HELQ: variants seen among roughly 807,000 people sequenced by gnomAD.
HELQ encodes helicase POLQ-like.
Under a neutral mutation model 111.6 loss-of-function variants are expected in HELQ, and 77 were observed. The ratio of observed to expected loss-of-function variants is 0.69; its 90% CI spans 0.57 to 0.83. The LOEUF is 0.83. Among genes scored for constraint, HELQ ranks in the 40% least tolerant of loss-of-function variants. The pLI, the probability that HELQ is intolerant of heterozygous loss-of-function variation, is 0.00. For synonymous variants in HELQ, 438 were observed against 454.7 expected (o/e 0.96, Z 0.47); for missense variants, 1,200 against 1,288.5 (o/e 0.93, Z 1.05).
At chr4:83,440,904 G>C (rs1720723765) in intron 7 of HELQ, among the ~76,000 whole-genome samples, 1 of 152,178 alleles carries the variant, frequency 6.6e-6, no homozygotes, top group Non-Finnish European at 1.5e-5. Flanking sequence ...ATACACATCA[G>C]TTGAGTGAAA....
At chr4:83,408,605 G>C (rs1483196199) in intron 17 of HELQ, among the ~76,000 whole-genome samples, 1 of 150,766 alleles carries the variant, frequency 6.6e-6, no homozygotes, top group African/African-American at 2.4e-5. Context: ...GTAGAGACTG[G>C]ATCTCCCTAT....
rs776951046 is a variant in HELQ, at chr4:83,416,775, G to T, written c.3154C>A (p.His1052Asn). The change falls in exon 17 of 18, where the codon CAT becomes AAT. Residue 1052 changes from histidine to asparagine, a missense_variant. His to Asn is a moderately conservative substitution (Grantham distance 68, BLOSUM62 1). Transcript: ENST00000295488. The stretch of plus-strand genomic sequence containing the variant: ...TGCTTGGCTTGGCGTCTTGATAAAT[G>T]ATCAATTGTCCTTACGAGCACTTCA... Reference protein sequence around the residue: ...NPEVLVRTIDHLSRRQAKQIV... With the variant: ...NPEVLVRTIDNLSRRQAKQIV... The T allele has an allele frequency of 8.7e-5, 140 of 1,613,646 alleles. No homozygotes were observed. The highest frequency in any genetic ancestry group is 1.1e-4 in the Non-Finnish European group (132 of 1,179,896).
At chr4:83,447,859 CAAAAA>C (rs112143320) in intron 3 of HELQ, among the ~76,000 whole-genome samples, 24 of 76,524 alleles carry the variant, frequency 3.1e-4, no homozygotes, top group African/African-American at 1.0e-3. Flanking sequence ...AAGACTGTCT[CAAAAA>C]AAAAAAAAAA....
intron 14 of HELQ, among the ~76,000 whole-genome samples, 186 bp from the exon 15 acceptor site, chr4:83,421,922 C>A (rs1279431521): frequency 6.6e-6 from 1 of 152,138 alleles, no homozygotes; most frequent in East Asian, 1.9e-4. Context: ...ATTTTTCCAA[C>A]TACAATAAAA....
chr4:83,434,529 C>T (rs1720343818), intron 9 of HELQ, among the ~76,000 whole-genome samples: 2 of 151,908 alleles, frequency 1.3e-5, no homozygotes, highest in Admixed American at 1.3e-4. Context: ...GTGGTACAAT[C>T]ATAGCTAACT....
At chr4:83,417,206 C>CTTTTTT in intron 16 of HELQ, among the ~76,000 whole-genome samples, 1 of 139,876 alleles carries the variant, frequency 7.1e-6, no homozygotes, top group Non-Finnish European at 1.6e-5. Context: ...CTTTTCTTTT[C>CTTTTTT]TTTTTTTTTT....
intron 2 of HELQ, among the ~76,000 whole-genome samples, chr4:83,452,305 G>A (rs1043319917): frequency 2.0e-5 from 3 of 151,760 alleles, no homozygotes; most frequent in African/African-American, 4.8e-5. Context: ...TTTTATTGTG[G>A]CTCAAGACAA....
intron 6 of HELQ, among the ~76,000 whole-genome samples, chr4:83,442,330 C>T (rs1720809455): frequency 7.1e-6 from 1 of 140,100 alleles, no homozygotes; most frequent in Non-Finnish European, 1.5e-5. Context: ...TGTAGCGGCA[C>T]AAACACAGCT....
At chr4:83,435,691 A>C (rs1259836341) in intron 9 of HELQ, among the ~76,000 whole-genome samples, 1 of 152,132 alleles carries the variant, frequency 6.6e-6, no homozygotes, top group African/African-American at 2.4e-5. Flanking sequence ...AAAATGTTTA[A>C]ATCTGGCACT....
intron 15 of HELQ, among the ~76,000 whole-genome samples, chr4:83,419,480 T>C (rs1739547674): frequency 6.7e-6 from 1 of 148,428 alleles, no homozygotes; most frequent in South Asian, 2.1e-4. Context: ...TTATATTATA[T>C]GTAATTATAT....
chr4:83,427,498 A>G, intron 13 of HELQ, 65 bp downstream of exon 13: 1 of 1,359,866 alleles, frequency 7.4e-7, no homozygotes, highest in South Asian at 1.7e-5. Flanking sequence ...CTAAAAAACA[A>G]AACAAAACAG....
At position 83,446,016 on chromosome 4, in the gene HELQ, C is replaced by T. The variant is rs893501995; in HGVS notation, c.1463G>A (p.Ser488Asn). The change falls in exon 5 of 18, where the codon AGC becomes AAC. Residue 488 changes from serine (S) to asparagine (N), a missense_variant and splice_region_variant. This residue lies in a region of HELQ where 610 missense variants were observed against 607.1 expected (regional missense o/e 1.00). Coordinates refer to ENST00000295488, the MANE Select transcript of HELQ (RefSeq NM_133636.5). ...EMTLAKILYT[S>N]KTTQIIGMSA... ...ACCTCATTTGAAAAAATACTTACTG[C>T]TAGTGTAGAGGATTTTTGCTAGGGT... 4.4e-6 allele frequency: 7 copies of T among 1,596,672 alleles called. No homozygotes were observed. The East Asian group carries it at 1.6e-4, about 36-fold the overall frequency.
At chr4:83,417,348 G>T (rs577785282) in intron 16 of HELQ, among the ~76,000 whole-genome samples, 1 of 151,990 alleles carries the variant, frequency 6.6e-6, no homozygotes, top group African/African-American at 2.4e-5. Context: ...GATTACAGGC[G>T]CACGACACCA....
intron 8 of HELQ, among the ~76,000 whole-genome samples, chr4:83,439,352 A>G (rs1578092915): frequency 7.1e-6 from 1 of 140,756 alleles, no homozygotes; most frequent in Non-Finnish European, 1.5e-5. Context: ...GGCATGAGCC[A>G]CCGTGCCTGG....
intron 17 of HELQ, among the ~76,000 whole-genome samples, chr4:83,407,772 C>T (rs918886887): frequency 2.6e-5 from 4 of 152,126 alleles, no homozygotes; most frequent in Non-Finnish European, 5.9e-5. Flanking sequence ...CTGATCACTG[C>T]CTTTTAGTAT....
chr4:83,455,838 G>T (rs1240532027), upstream of HELQ: 3 of 846,720 alleles, frequency 3.5e-6, no homozygotes, highest in South Asian at 1.6e-5. Context: ...CTCGCGGACC[G>T]GAAGCACGCA....
intron 15 of HELQ, 136 bp downstream of exon 15, chr4:83,421,427 T>C: frequency 4.8e-6 from 3 of 627,940 alleles, no homozygotes; most frequent in East Asian, 2.8e-5. Context: ...TTTTAAATAG[T>C]TTTTTAGTGC....
chr4:83,438,927 T>C (rs1160733589), intron 8 of HELQ, among the ~76,000 whole-genome samples: 1 of 152,128 alleles, frequency 6.6e-6, no homozygotes, highest in Non-Finnish European at 1.5e-5. Context: ...CTCCCAGAGA[T>C]TCTGATTTGT....
At chr4:83,416,331 T>C (rs1739357425) in intron 17 of HELQ, among the ~76,000 whole-genome samples, 1 of 151,950 alleles carries the variant, frequency 6.6e-6, no homozygotes, top group Admixed American at 6.6e-5. Context: ...AGCGATCCTC[T>C]TGCCTCAGTC....
Sources: allele counts gnomAD v4.1 joint callset (sites outside exome capture counted in the v4.1 genomes callset), GRCh38; gene constraint gnomAD v4.1.1; regional missense constraint gnomAD v4.1.1; transcripts MANE v1.5; gene names NCBI Gene and HGNC (gene_info 2026-07-23, HGNC 2026-07-21).